ZC3H3: variants seen among roughly 807,000 people sequenced by gnomAD.
The protein encoded by ZC3H3 is zinc finger CCCH domain-containing protein 3.
ZC3H3 carries 36 observed loss-of-function variants against 77.3 expected under a neutral mutation model. The ratio of observed to expected loss-of-function variants is 0.47; its 90% CI spans 0.36 to 0.61. The LOEUF (loss-of-function observed/expected upper bound fraction) is 0.61, where lower values mean the gene tolerates loss of function less well. ZC3H3 is among the 20% of genes least tolerant of loss of function. The pLI is 0.00. For missense variants in ZC3H3, 1,331 were observed against 1,312.2 expected, an observed-to-expected ratio of 1.01 and a Z score of -0.22; for synonymous variants, 626 against 555.2, an observed-to-expected ratio of 1.13 and a Z score of -1.79.
At chr8:143,448,037 A>C (rs754506908) in intron 9 of ZC3H3, among the ~76,000 whole-genome samples, 3 of 152,214 alleles carry the variant, frequency 2.0e-5, no homozygotes, top group Non-Finnish European at 4.4e-5. Context: ...CTGAGGCAGA[A>C]TTGCTTAAAC....
intron 9 of ZC3H3, among the ~76,000 whole-genome samples, chr8:143,458,915 G>A (rs1245671661): frequency 6.6e-6 from 1 of 152,066 alleles, no homozygotes; most frequent in Non-Finnish European, 1.5e-5. Context: ...GAGCCCAGGA[G>A]TTCGAGACTT....
At chr8:143,508,484 G>A (rs1407011121) in intron 3 of ZC3H3, among the ~76,000 whole-genome samples, 2 of 152,224 alleles carry the variant, frequency 1.3e-5, no homozygotes. Flanking sequence ...AGACACGACG[G>A]CTTTTTTCTT....
intron 3 of ZC3H3, among the ~76,000 whole-genome samples, chr8:143,520,924 G>C (rs1243424061): frequency 6.6e-6 from 1 of 152,184 alleles, no homozygotes; most frequent in Non-Finnish European, 1.5e-5. Context: ...CACCCTCCAT[G>C]GCTGGGTTTC....
At chr8:143,535,435 G>A (rs1434706173) in intron 3 of ZC3H3, among the ~76,000 whole-genome samples, 2 of 152,138 alleles carry the variant, frequency 1.3e-5, no homozygotes, top group South Asian at 2.1e-4. Context: ...TCACAGACAC[G>A]AGCTCGGGAA....
chr8:143,468,124 C>A, intron 8 of ZC3H3, 85 bp downstream of exon 8: 2 of 1,499,736 alleles, frequency 1.3e-6, no homozygotes, highest in Non-Finnish European at 1.8e-6. Flanking sequence ...CCAGAGAAAG[C>A]TGTGGGCACC....
At position 143,533,288 on chromosome 8, in the gene ZC3H3, C is replaced by G. The variant is rs1822681286; in HGVS notation, c.1561+2969G>C. Among the ~76,000 whole-genome samples the G allele has an allele frequency of 6.6e-6, 1 of 152,178 alleles. No homozygotes were observed. The highest frequency in any genetic ancestry group is 2.4e-5 in the African/African-American group (1 of 41,442). ...CTCCAGAACACAGTAAGCTCGTTCC[C>G]ACCTCCACCTCGGCCTCAGAGCTGA... On this transcript the variant is annotated intron_variant, in intron 3 of 11. Transcript: ENST00000262577. This position sits in a 1 kb window ranked among gnomAD's most constrained non-coding sequence, Gnocchi z 4.0.
intron 9 of ZC3H3, among the ~76,000 whole-genome samples, chr8:143,442,200 T>A: frequency 6.6e-6 from 1 of 151,838 alleles, no homozygotes; most frequent in Non-Finnish European, 1.5e-5. Flanking sequence ...TCCTGTGGTG[T>A]GGCCCCCGCC....
chr8:143,453,188 C>G (rs1459862441), intron 9 of ZC3H3, among the ~76,000 whole-genome samples: 3 of 152,202 alleles, frequency 2.0e-5, no homozygotes, highest in Non-Finnish European at 4.4e-5. Context: ...AGCAATCCTC[C>G]CAACTCAGCC....
At chr8:143,517,452 G>A (rs75803883) in intron 3 of ZC3H3, among the ~76,000 whole-genome samples, 3,336 of 152,226 alleles carry the variant, frequency 0.022, 121 homozygotes, top group African/African-American at 0.076. Context: ...CCCAGGCCGC[G>A]CTCCAAGCAG....
chr8:143,527,121 G>T (rs546469099), intron 3 of ZC3H3, among the ~76,000 whole-genome samples: 1 of 152,196 alleles, frequency 6.6e-6, no homozygotes, highest in African/African-American at 2.4e-5. Context: ...CCTGGTGGGG[G>T]TTAGCAGGTG....
At chr8:143,466,509 G>GA (rs987178306) in intron 8 of ZC3H3, among the ~76,000 whole-genome samples, 15 of 152,202 alleles carry the variant, frequency 9.9e-5, no homozygotes, top group African/African-American at 3.6e-4. Flanking sequence ...CTGGGAGAGG[G>GA]AAAAAATGTA....
chr8:143,505,690 C>G (rs1297944035), intron 4 of ZC3H3, among the ~76,000 whole-genome samples: 1 of 152,204 alleles, frequency 6.6e-6, no homozygotes, highest in Non-Finnish European at 1.5e-5. Flanking sequence ...TCACACACCC[C>G]CTCAGCCACA....
In ZC3H3 at chr8:143,468,513, G is replaced by T. The variant is rs948589425; in HGVS notation, c.1974C>A (p.Ile658=). Residue 658 remains isoleucine, a synonymous_variant, in exon 7 of 12, where the codon ATC becomes ATA. Transcript: ENST00000262577. ...CCCTGCGCTGCCGCGCCTGCCGGAT[G>T]ATGGCCAGGCTGCGCTGCACTGCCC... is the stretch of plus-strand genomic sequence containing the variant. ...ASRAVQRSLA[I]IRQARQRREK... 3.7e-6 allele frequency: 6 copies of T among 1,609,232 alleles called. No individual in the cohort carries two copies. The highest frequency in any genetic ancestry group is 2.7e-5 in the African/African-American group (2 of 74,832).
At position 143,464,435 on chromosome 8, in the gene ZC3H3, C is replaced by G. The variant is rs1011404711; in HGVS notation, c.2307+1282G>C. Among the ~76,000 whole-genome samples, 2 of 152,160 alleles carry G rather than the reference C, an allele frequency of 1.3e-5. 1 individual carries two copies. The highest frequency in any genetic ancestry group is 4.1e-4 in the South Asian group (2 of 4,836). ...AGCCCGGCCTGGCCAACCCTTGGCC[C>G]GGCAGCAGGGGCTGCAGGCTGACTC... On this transcript the variant is annotated intron_variant, in intron 9 of 11. Coordinates refer to ENST00000262577, the MANE Select transcript of ZC3H3 (RefSeq NM_015117.3).
rs1355435917 is a variant in ZC3H3, at chr8:143,530,528, G to T, written c.1561+5729C>A. On this transcript the variant is annotated intron_variant, in intron 3 of 11. Coordinates refer to ENST00000262577, the MANE Select transcript of ZC3H3 (RefSeq NM_015117.3). The surrounding 1 kb of genome is among the most constrained non-coding windows in gnomAD (Gnocchi z 4.3). ...TCCCCAGCCTGGGCACAGGGTGGTG[G>T]GTGGGAGAGCTGGCCCTCACTCCTG... Among the ~76,000 whole-genome samples, 1 of 152,012 alleles carries T rather than the reference G, an allele frequency of 6.6e-6. No individual in the cohort carries two copies. The highest frequency in any genetic ancestry group is 2.4e-5 in the African/African-American group (1 of 41,366).
intron 9 of ZC3H3, among the ~76,000 whole-genome samples, chr8:143,445,921 C>T (rs11777600): frequency 0.35 from 53,365 of 151,934 alleles, 9,734 homozygotes; most frequent in South Asian, 0.56. Context: ...AGCTGAAATT[C>T]GTTCTAAAAA....
intron 3 of ZC3H3, among the ~76,000 whole-genome samples, chr8:143,532,517 A>G (rs1262378455): frequency 6.6e-6 from 1 of 152,274 alleles, no homozygotes; most frequent in Admixed American, 6.5e-5. Flanking sequence ...ATGAAGGAGC[A>G]GTCCCACCTG....
intron 3 of ZC3H3, among the ~76,000 whole-genome samples, chr8:143,535,514 G>A (rs1304881674): frequency 1.3e-5 from 2 of 152,226 alleles, no homozygotes; most frequent in Non-Finnish European, 2.9e-5. Context: ...GACGAACGTG[G>A]CTCCACACTG....
Position 143,465,848 on chromosome 8 carries a change from T to C in ZC3H3, c.2176A>G (p.Met726Val). The change falls in exon 9 of 12, where the codon ATG becomes GTG. Residue 726 changes from methionine to valine, a missense_variant and splice_region_variant. Met to Val is a conservative substitution (Grantham distance 21). Around this residue, in one of 3 missense-constraint regions of ZC3H3, gnomAD observed 104 missense variants for 159.7 expected, o/e 0.65. Transcript: ENST00000262577. ...TTCAGGAAGTAGGAGCACACCGGCA[T>C]CTGCAGGGAGGGCCGGCAGTGAGGG... ...PFSHHVSKEK[M>V]PVCSYFLKGI... 6.2e-7 allele frequency: 1 copy of C among 1,610,238 alleles called. No individual in the cohort carries two copies. The highest frequency in any genetic ancestry group is 8.5e-7 in the Non-Finnish European group (1 of 1,179,730).
Sources: gnomAD v4.1 joint callset for allele counts (sites outside exome capture counted in the v4.1 genomes callset) on GRCh38, gnomAD v4.1.1 for gene constraint, gnomAD v4.1.1 regional missense constraint, Gnocchi (gnomAD v3.1) non-coding constraint, MANE v1.5 for transcripts, NCBI Gene and HGNC (gene_info 2026-07-23, HGNC 2026-07-21) for gene names.